Variants in CCSER1 observed in about 807,000 individuals in gnomAD.
CCSER1 encodes serine-rich coiled-coil domain-containing protein 1.
Under a neutral mutation model 82.0 loss-of-function variants are expected in CCSER1, and 41 were observed. That is an observed-to-expected ratio of 0.50 (90% CI 0.39 to 0.65). The LOEUF (loss-of-function observed/expected upper bound fraction) is 0.65, where lower values mean the gene tolerates loss of function less well. Ranked by LOEUF, CCSER1 falls within the 30% of genes least tolerant of loss-of-function variation. The pLI, the probability that CCSER1 is intolerant of heterozygous loss-of-function variation, is 0.00. For synonymous variants in CCSER1, 414 were observed against 383.9 expected (o/e 1.08, Z -0.92); for missense variants, 1,119 against 1,064.2 (o/e 1.05, Z -0.72).
chr4:90,673,394 T>C (rs1285452202), intron 6 of CCSER1, among the ~76,000 whole-genome samples: 3 of 152,018 alleles, frequency 2.0e-5, no homozygotes, highest in African/African-American at 4.8e-5. Flanking sequence ...TTCTATGGAA[T>C]GCTGTATAAA....
intron 10 of CCSER1, among the ~76,000 whole-genome samples, chr4:91,365,200 GAA>G (rs1261154809): frequency 6.6e-6 from 1 of 152,134 alleles, no homozygotes. Context: ...GGGCAGTGTA[GAA>G]ATATTATTGT....
At chr4:90,505,412 C>G (rs1044761929) in intron 5 of CCSER1, among the ~76,000 whole-genome samples, 5 of 152,140 alleles carry the variant, frequency 3.3e-5, no homozygotes, top group Non-Finnish European at 5.9e-5. Flanking sequence ...TAAGTTGAAT[C>G]TAGACTATGG....
At chr4:90,840,475 G>A (rs1313393130) in intron 8 of CCSER1, among the ~76,000 whole-genome samples, 1 of 152,158 alleles carries the variant, frequency 6.6e-6, no homozygotes, top group Admixed American at 6.5e-5. Flanking sequence ...GTCTAGCCTG[G>A]AGTGTTTCAC....
At chr4:90,495,740 G>A (rs1027545601) in intron 5 of CCSER1, among the ~76,000 whole-genome samples, 2 of 152,078 alleles carry the variant, frequency 1.3e-5, no homozygotes, top group Admixed American at 1.3e-4. Flanking sequence ...TCTTCCATAA[G>A]GAGATATTAA....
In CCSER1 at chr4:90,308,310, C is replaced by T. The variant is rs774149323; in HGVS notation, c.26C>T (p.Ser9Phe). The change falls in exon 2 of 11, where the codon TCT becomes TTT. Residue 9 changes from serine to phenylalanine, a missense_variant. Transcript: ENST00000509176. MGDSGSRRSTLVSRLPIFR... is the reference protein window; with the variant it reads MGDSGSRRFTLVSRLPIFR... ...ATGGGGGACTCAGGATCAAGACGAT[C>T]TACCCTGGTCTCCCGGTTGCCAATA... The T allele has an allele frequency of 1.3e-6, 2 of 1,593,660 alleles. No homozygotes were observed. The highest frequency in any genetic ancestry group is 3.5e-5 in the Admixed American group (2 of 56,470).
At chr4:90,292,047 C>A (rs776678416) in intron 1 of CCSER1, among the ~76,000 whole-genome samples, 12 of 151,758 alleles carry the variant, frequency 7.9e-5, no homozygotes, top group Non-Finnish European at 1.3e-4. Context: ...TTGGTTAAGC[C>A]CATTGATTAC....
At chr4:91,153,871 G>T (rs1048454749) in intron 10 of CCSER1, among the ~76,000 whole-genome samples, 6 of 151,932 alleles carry the variant, frequency 3.9e-5, no homozygotes, top group African/African-American at 1.4e-4. Context: ...TCCTCTGGAA[G>T]CTTTGTCTCA....
chr4:90,537,534 C>T (rs775863904), intron 5 of CCSER1, among the ~76,000 whole-genome samples: 17 of 151,966 alleles, frequency 1.1e-4, no homozygotes, highest in East Asian at 3.9e-4. Context: ...ATTTCTGATT[C>T]GATAGTTTTT....
intron 1 of CCSER1, among the ~76,000 whole-genome samples, chr4:90,179,202 G>A (rs937075081): frequency 6.6e-6 from 1 of 151,932 alleles, no homozygotes. Context: ...ATAATTGAGT[G>A]AAAGCTCTTG....
chr4:90,243,156 T>C (rs1720712178), intron 1 of CCSER1, among the ~76,000 whole-genome samples: 1 of 151,292 alleles, frequency 6.6e-6, no homozygotes, highest in Non-Finnish European at 1.5e-5. Flanking sequence ...TTCAAACTCC[T>C]GGGCTGAAGT....
At chr4:91,076,520 G>T (rs1418039734) in intron 9 of CCSER1, among the ~76,000 whole-genome samples, 1 of 152,010 alleles carries the variant, frequency 6.6e-6, no homozygotes, top group Non-Finnish European at 1.5e-5. Flanking sequence ...GATGAACTTG[G>T]TATTGAGGCT....
In CCSER1 at chr4:90,397,394, T is replaced by A. The variant is rs530629698; in HGVS notation, c.1510-2642T>A. ...TCCCTGTTCAAAAAATAAAATATTT[T>A]AAAATTTTATTTCAAATTGTGGGTG... On this transcript the variant is annotated intron_variant, in intron 3 of 10. Transcript: ENST00000509176. Among the ~76,000 whole-genome samples, 3 of 152,342 alleles carry A rather than the reference T, an allele frequency of 2.0e-5. No individual in the cohort carries two copies. In the East Asian group the frequency reaches 5.8e-4, roughly 29 times the overall value.
intron 7 of CCSER1, among the ~76,000 whole-genome samples, chr4:90,756,265 A>G (rs1386042049): frequency 1.3e-5 from 2 of 152,158 alleles, no homozygotes; most frequent in African/African-American, 4.8e-5. Context: ...AGCATGTAAG[A>G]AAACATTTAA....
chr4:90,863,240 T>C (rs577293881), intron 8 of CCSER1, among the ~76,000 whole-genome samples: 19 of 151,974 alleles, frequency 1.3e-4, no homozygotes, highest in Non-Finnish European at 2.2e-4. Context: ...ATTTCCAATT[T>C]CATCCGTGTC....
chr4:91,478,267 C>T (rs1003040918), intron 10 of CCSER1, among the ~76,000 whole-genome samples: 2 of 151,848 alleles, frequency 1.3e-5, no homozygotes, highest in Admixed American at 6.6e-5. Flanking sequence ...TATTCAACTA[C>T]ATTTTAGCTG....
chr4:91,086,139 G>A (rs1723371340), intron 10 of CCSER1, 145 bp downstream of exon 10: 1 of 570,670 alleles, frequency 1.8e-6, no homozygotes, highest in Non-Finnish European at 3.2e-6. Context: ...ATATGGCTCT[G>A]TTCATTCTGC....
At chr4:91,299,107 A>G (rs1218634947) in intron 10 of CCSER1, among the ~76,000 whole-genome samples, 1 of 152,008 alleles carries the variant, frequency 6.6e-6, no homozygotes, top group African/African-American at 2.4e-5. Context: ...TTTGTGAACC[A>G]CTGCTTTAAA....
At chr4:91,345,576 G>C (rs1748000343) in intron 10 of CCSER1, among the ~76,000 whole-genome samples, 1 of 152,008 alleles carries the variant, frequency 6.6e-6, no homozygotes, top group African/African-American at 2.4e-5. Context: ...AGAAAGTGCA[G>C]GTCCCCTGTA....
At chr4:90,504,759 G>A (rs776971355) in intron 5 of CCSER1, among the ~76,000 whole-genome samples, 3 of 152,098 alleles carry the variant, frequency 2.0e-5, no homozygotes, top group African/African-American at 4.8e-5. Flanking sequence ...GATGACTTTA[G>A]GATAGAAAAC....
Sources: gnomAD v4.1 joint callset for allele counts (sites outside exome capture counted in the v4.1 genomes callset) on GRCh38, gnomAD v4.1.1 for gene constraint, MANE v1.5 for transcripts, NCBI Gene and HGNC (gene_info 2026-07-23, HGNC 2026-07-21) for gene names.